SHANK2: variants seen among roughly 807,000 people sequenced by gnomAD.
The protein encoded by SHANK2 is SH3 and multiple ankyrin repeat domains protein 2.
SHANK2 carries 43 observed loss-of-function variants against 133.7 expected under a neutral mutation model. The observed-to-expected ratio is 0.32, with a 90% CI of 0.25 to 0.41. The LOEUF (loss-of-function observed/expected upper bound fraction) is 0.41, where lower values mean the gene tolerates loss of function less well. Ranked by LOEUF, SHANK2 falls within the 10% of genes least tolerant of loss-of-function variation. The pLI is 1.00. For missense variants in SHANK2, 1,994 were observed against 2,235.8 expected (o/e 0.89, Z 2.18); for synonymous variants, 1,017 against 952.8 (o/e 1.07, Z -1.24).
intron 2 of SHANK2, among the ~76,000 whole-genome samples, chr11:71,162,656 C>T (rs1555110095): frequency 6.6e-6 from 1 of 152,196 alleles, no homozygotes; most frequent in Non-Finnish European, 1.5e-5. Flanking sequence ...CACTTTCATA[C>T]ATGAATTAAA....
At chr11:71,151,962 T>C (rs543155724) in intron 2 of SHANK2, among the ~76,000 whole-genome samples, 247 of 152,260 alleles carry the variant, frequency 1.6e-3, no homozygotes, top group African/African-American at 5.4e-3. Flanking sequence ...TGGCAGAATG[T>C]GGTCCCCAAA....
intron 2 of SHANK2, among the ~76,000 whole-genome samples, chr11:71,198,456 G>A (rs1407222119): frequency 6.6e-6 from 1 of 152,182 alleles, no homozygotes; most frequent in Non-Finnish European, 1.5e-5. Context: ...TCTCTAGCGG[G>A]GCCTCCAAGA....
intron 17 of SHANK2, among the ~76,000 whole-genome samples, chr11:70,597,368 C>A (rs1239046153): frequency 1.3e-5 from 2 of 152,116 alleles, no homozygotes; most frequent in East Asian, 3.9e-4. Flanking sequence ...CCTGGAGGAG[C>A]CCTGGGAAGG....
intron 11 of SHANK2, among the ~76,000 whole-genome samples, chr11:70,824,801 T>C (rs1404947434): frequency 1.3e-5 from 2 of 152,148 alleles, no homozygotes; most frequent in Non-Finnish European, 2.9e-5. Flanking sequence ...TGCCTGTCAT[T>C]GGAGGGGGCT....
chr11:70,935,531 CT>C (rs1231293548), intron 10 of SHANK2, among the ~76,000 whole-genome samples: 2 of 152,196 alleles, frequency 1.3e-5, no homozygotes, highest in African/African-American at 2.4e-5. Flanking sequence ...GTCACTCCCC[CT>C]GGGTCATGCT....
chr11:70,608,165 C>G (rs76014760), intron 17 of SHANK2, among the ~76,000 whole-genome samples: 5,374 of 152,250 alleles, frequency 0.035, 116 homozygotes, highest in East Asian at 0.06. Context: ...TCTTTGTTTT[C>G]TTTTAGAGAC....
chr11:70,503,665 T>C (rs1472482066), intron 17 of SHANK2, among the ~76,000 whole-genome samples: 2 of 152,238 alleles, frequency 1.3e-5, no homozygotes, highest in Non-Finnish European at 2.9e-5. Flanking sequence ...GGTTACCTCC[T>C]GCCCTATTTG....
chr11:70,781,173 C>T (rs539309593), intron 14 of SHANK2, among the ~76,000 whole-genome samples: 6 of 152,014 alleles, frequency 3.9e-5, no homozygotes, highest in Non-Finnish European at 7.4e-5. Context: ...CGTGAGACCC[C>T]GGACCGGTTG....
chr11:70,651,598 T>G (rs911579403), intron 17 of SHANK2, among the ~76,000 whole-genome samples: 2 of 151,976 alleles, frequency 1.3e-5, no homozygotes, highest in African/African-American at 4.8e-5. Flanking sequence ...CCTTAGAGAG[T>G]AAAGGCCCCC....
rs202221493 is a variant in SHANK2, at chr11:71,175,073, A to AAC, written c.-12-27737_-12-27736dup. 2.7e-5 allele frequency among the ~76,000 whole-genome samples: 2 copies of AAC among 73,122 alleles called. No individual in the cohort carries two copies. Among genetic ancestry groups the AAC allele is most frequent in the African/African-American group, 6.8e-5 (2 of 29,232 alleles). The allele number at this position is 73,122 out of a possible 152,430, so 48.0% of individuals were successfully genotyped here. ...CCCGGTTACCTTTCTGCAGCTACAAAACACACACACGGTCGCATATGTGCA... is the reference window on the plus strand; with the variant it reads ...CCCGGTTACCTTTCTGCAGCTACAAAACACACACACACGGTCGCATATGTGCA... On this transcript the variant is annotated intron_variant, in intron 2 of 25. Coordinates refer to ENST00000601538, the MANE Select transcript of SHANK2 (RefSeq NM_012309.5). This position sits in a 1 kb window ranked among gnomAD's most constrained non-coding sequence, Gnocchi z 4.2.
chr11:70,893,061 C>A (rs1228605758), intron 11 of SHANK2, among the ~76,000 whole-genome samples: 1 of 152,182 alleles, frequency 6.6e-6, no homozygotes, highest in South Asian at 2.1e-4. Flanking sequence ...AGCCCCACCC[C>A]AAATGCCATG....
At chr11:70,851,610 C>T (rs529662055) in intron 11 of SHANK2, among the ~76,000 whole-genome samples, 8 of 152,336 alleles carry the variant, frequency 5.3e-5, no homozygotes, top group Admixed American at 5.2e-4. Context: ...GAAGAACATG[C>T]GTCTCAGACA....
At chr11:70,710,883 C>T (rs1006992147) in intron 14 of SHANK2, among the ~76,000 whole-genome samples, 1 of 152,186 alleles carries the variant, frequency 6.6e-6, no homozygotes, top group Non-Finnish European at 1.5e-5. Flanking sequence ...CCTGTGGTCA[C>T]GGGTTCTGCA....
At chr11:71,190,339 T>C (rs782414788) in intron 2 of SHANK2, among the ~76,000 whole-genome samples, 3 of 152,164 alleles carry the variant, frequency 2.0e-5, no homozygotes, top group Non-Finnish European at 4.4e-5. Context: ...TTCCAAGTAA[T>C]CAATAACCAG....
At chr11:70,725,915 G>T (rs11237298) in intron 14 of SHANK2, among the ~76,000 whole-genome samples, 1 of 152,118 alleles carries the variant, frequency 6.6e-6, no homozygotes, top group Non-Finnish European at 1.5e-5. Flanking sequence ...CAAGGCAGAC[G>T]TGTTGTTCTA....
intron 11 of SHANK2, among the ~76,000 whole-genome samples, chr11:70,845,114 G>A (rs1192297277): frequency 4.1e-5 from 6 of 146,280 alleles, no homozygotes; most frequent in Non-Finnish European, 8.9e-5. Context: ...CAGGAGAATC[G>A]CTTGAACCCG....
At chr11:70,568,244 C>A (rs548877085) in intron 17 of SHANK2, among the ~76,000 whole-genome samples, 8 of 152,186 alleles carry the variant, frequency 5.3e-5, no homozygotes, top group African/African-American at 1.9e-4. Flanking sequence ...AGGGATCCTT[C>A]GAGGGGCGGC....
intron 15 of SHANK2, among the ~76,000 whole-genome samples, chr11:70,682,034 C>T (rs987721015): frequency 1.3e-5 from 2 of 151,726 alleles, no homozygotes; most frequent in African/African-American, 2.4e-5. Context: ...AACAGGAGTT[C>T]GACAACCTGG....
At chr11:70,499,689 G>A (rs1306180175) in intron 21 of SHANK2, among the ~76,000 whole-genome samples, 6 of 152,216 alleles carry the variant, frequency 3.9e-5, no homozygotes, top group South Asian at 2.1e-4. Context: ...CACATCCTCG[G>A]CGCAGCAGTG....
Sources: gnomAD v4.1 joint callset for allele counts (sites outside exome capture counted in the v4.1 genomes callset) on GRCh38, gnomAD v4.1.1 for gene constraint, Gnocchi (gnomAD v3.1) non-coding constraint, MANE v1.5 for transcripts, NCBI Gene and HGNC (gene_info 2026-07-23, HGNC 2026-07-21) for gene names.